The following SLC34A1 variants were observed in gnomAD, a reference collection of about 807,000 sequenced individuals.
SLC34A1 encodes the protein solute carrier family 34 member 1.
A neutral mutation model predicts 51.4 loss-of-function variants in SLC34A1; 57 were observed. The ratio of observed to expected loss-of-function variants is 1.11; its 90% CI spans 0.90 to 1.38. SLC34A1 has a LOEUF of 1.38. Among genes scored for constraint, SLC34A1 ranks in the 40% most tolerant of loss-of-function variants. SLC34A1 has a pLI of 0.00. For synonymous variants in SLC34A1, 368 were observed against 358.0 expected, an observed-to-expected ratio of 1.03 and a Z score of -0.32; for missense variants, 796 against 835.6, an observed-to-expected ratio of 0.95 and a Z score of 0.58.
chr5:177,390,664 T>C (rs1481402682), intron 8 of SLC34A1, among the ~76,000 whole-genome samples: 1 of 151,836 alleles, frequency 6.6e-6, no homozygotes, highest in African/African-American at 2.4e-5. Context: ...GGAGAAGTTC[T>C]CCTTTTCGCC....
At chr5:177,385,924 G>A (rs941611683) in intron 2 of SLC34A1, 63 bp from the exon 3 acceptor site, 33 of 1,609,708 alleles carry the variant, frequency 2.1e-5, no homozygotes, top group African/African-American at 6.7e-5. Context: ...CACTTCCCCC[G>A]CCTGTTCCTC....
At chr5:177,394,824 G>A (rs1299096710) in intron 10 of SLC34A1, among the ~76,000 whole-genome samples, 1 of 150,984 alleles carries the variant, frequency 6.6e-6, no homozygotes, top group Non-Finnish European at 1.5e-5. Context: ...CTCTCGAGTA[G>A]CTAGGATTAC....
Position 177,385,699 on chromosome 5 carries a change from G to A in SLC34A1, c.-43G>A, listed in dbSNP as rs1460427834. On this transcript the variant is annotated 5_prime_UTR_variant, in exon 2 of 13. Transcript: ENST00000324417. ...GACACAGCTATTGTCATTCAGCGTT[G>A]CTGAGACCCACTGACCTGCAGACCT... is the stretch of plus-strand genomic sequence containing the variant. 19 of 1,419,260 alleles carry A rather than the reference G, an allele frequency of 1.3e-5. No homozygotes were observed. Among genetic ancestry groups the A allele is most frequent in the Non-Finnish European group, 1.9e-5 (19 of 1,010,420 alleles). The allele number at this position is 1,419,260 out of a possible 1,614,324, so 87.9% of individuals were successfully genotyped here. A position where few individuals can be genotyped will look rare whatever the true frequency, so the allele number is the denominator to read the frequency against.
rs776978243 is a variant in SLC34A1 at position 177,397,852 on chromosome 5, C to T, written c.1486C>T (p.Leu496=). 2 of 1,613,744 alleles carry T rather than the reference C, an allele frequency of 1.2e-6. No homozygotes were observed. Among genetic ancestry groups the T allele is most frequent in the Non-Finnish European group, 1.7e-6 (2 of 1,179,998 alleles). The change falls in exon 13 of 13, where the codon CTG becomes TTG. Residue 496 remains leucine (L), a synonymous_variant. Coordinates refer to ENST00000324417, the MANE Select transcript of SLC34A1 (RefSeq NM_003052.5). ...GTGGTACCCGGTGCCCTGCACACGC[C>T]TGCCCATCCGCATGGCCAAGGCGCT... is the stretch of plus-strand genomic sequence containing the variant. ...LLWYPVPCTR[L]PIRMAKALGK...
intron 8 of SLC34A1, among the ~76,000 whole-genome samples, chr5:177,393,451 G>A (rs1649718903): frequency 6.6e-6 from 1 of 152,164 alleles, no homozygotes; most frequent in African/African-American, 2.4e-5. Context: ...TGTGGCCCCA[G>A]GGAGAGCTGG....
intron 1 of SLC34A1, 39 bp from the exon 2 acceptor site, chr5:177,385,656 G>A (rs1341965440): frequency 2.1e-6 from 2 of 948,418 alleles, no homozygotes; most frequent in Non-Finnish European, 3.4e-6. Context: ...GTGAGGGTGT[G>A]TGGGCATGAG....
intron 1 of SLC34A1, 77 bp from the exon 2 acceptor site, chr5:177,385,618 G>T: frequency 1.3e-6 from 1 of 742,426 alleles, no homozygotes; most frequent in South Asian, 1.5e-5. Flanking sequence ...TGTGTATTTG[G>T]AATCATGCGC....
chr5:177,393,696 T>C lies in SLC34A1; in HGVS notation c.939T>C (p.Ala313=). 6.2e-7 allele frequency: 1 copy of C among 1,614,088 alleles called. No individual in the cohort carries two copies. The highest frequency in any genetic ancestry group is 1.6e-4 in the Middle Eastern group (1 of 6,062). The change falls in exon 9 of 13, where the codon GCT becomes GCC. Residue 313 remains alanine (A), a splice_region_variant and synonymous_variant. Coordinates refer to ENST00000324417, the MANE Select transcript of SLC34A1 (RefSeq NM_003052.5). ...QIWCHPDSLQ[A]PTSMSRAEAN... is the part of the protein sequence containing the mutation. The stretch of plus-strand genomic sequence containing the variant: ...AAGTCACCCTCCTCCTGATCTAGGC[T>C]CCCACCTCCATGTCCAGAGCAGAGG...
chr5:177,397,241 G>A (rs924833540), intron 12 of SLC34A1, 167 bp downstream of exon 12: 57 of 759,068 alleles, frequency 7.5e-5, no homozygotes, highest in Non-Finnish European at 4.0e-5. Flanking sequence ...TACCACCCTC[G>A]AGACCTTAGC....
At chr5:177,387,336 A>T (rs1349319881) in intron 5 of SLC34A1, among the ~76,000 whole-genome samples, 1 of 152,156 alleles carries the variant, frequency 6.6e-6, no homozygotes, top group African/African-American at 2.4e-5. Flanking sequence ...CAGAGCTTGC[A>T]GTGAGCCGAG....
rs566793947 is a variant in SLC34A1, at chr5:177,390,255, G to A, written c.936+1883G>A. 46 of 990,644 alleles carry A rather than the reference G, an allele frequency of 4.6e-5. No homozygotes were observed. The Middle Eastern group carries it at 2.6e-3, about 56-fold the overall frequency. The allele number at this position is 990,644 out of a possible 1,614,324, so 61.4% of individuals were successfully genotyped here. ...ACCAGATGGGGAAAGCAGCAGCAGC[G>A]GCAGTTGAGTGATCAGACACTTGAG... is the stretch of plus-strand genomic sequence containing the variant. On this transcript the variant is annotated intron_variant, in intron 8 of 12. Transcript: ENST00000324417.
Position 177,397,926 on chromosome 5 carries a change from T to C in SLC34A1, c.1560T>C (p.Leu520=). The change falls in exon 13 of 13, where the codon CTT becomes CTC. Residue 520 remains leucine, a synonymous_variant. Transcript: ENST00000324417. ...GCTGGTTTGCCGTCCTCTATCTCCT[T>C]GTCTGCTTCCTGCTGCTGCCCTCAC... The part of the protein sequence containing the change: ...KYRWFAVLYL[L]VCFLLLPSLV... The C allele has an allele frequency of 6.2e-7, 1 of 1,614,058 alleles. No homozygotes were observed. The highest frequency in any genetic ancestry group is 8.5e-7 in the Non-Finnish European group (1 of 1,180,010).
chr5:177,387,228 A>G (rs1762614330), intron 5 of SLC34A1, among the ~76,000 whole-genome samples: 1 of 151,392 alleles, frequency 6.6e-6, no homozygotes, highest in South Asian at 2.1e-4. Flanking sequence ...AAAAAAAAAC[A>G]ACAAAAACCA....
In SLC34A1 at chr5:177,385,974, G is replaced by A. The variant is rs2127346151; in HGVS notation, c.110-13G>A. ...TTGGGGCCCTGGGGCTCCTGACCAG[G>A]CTCCCTCCCTAGTCCTACACAGGAT... On this transcript the variant is annotated splice_polypyrimidine_tract_variant and intron_variant, in intron 2 of 12. Coordinates refer to ENST00000324417, the MANE Select transcript of SLC34A1 (RefSeq NM_003052.5). 6.2e-7 allele frequency: 1 copy of A among 1,610,694 alleles called. No individual in the cohort carries two copies. The highest frequency in any genetic ancestry group is 2.2e-5 in the East Asian group (1 of 44,854).
chr5:177,391,709 C>T lies in SLC34A1; in HGVS notation c.937-1985C>T, dbSNP rs544703512. Among the ~76,000 whole-genome samples the T allele has an allele frequency of 1.0e-3, 152 of 152,300 alleles. 3 individuals are homozygous for T. In the Middle Eastern group the frequency reaches 0.024, roughly 24 times the overall value. The stretch of plus-strand genomic sequence containing the variant: ...ACCATGTGATCCTGAACGGGCCCAG[C>T]GAGGGAGAGGGTCACTCCATATCAG... On this transcript the variant is annotated intron_variant, in intron 8 of 12. Transcript: ENST00000324417.
intron 8 of SLC34A1, chr5:177,389,818 T>C: frequency 1.3e-6 from 2 of 1,520,546 alleles, no homozygotes; most frequent in South Asian, 1.2e-5. Context: ...AGGTTCACTC[T>C]GGGGAGGCCG....
Position 177,396,667 on chromosome 5 carries a change from G to T in SLC34A1, c.1175-66G>T, listed in dbSNP as rs982504722. 1.4e-6 allele frequency: 2 copies of T among 1,393,874 alleles called. No homozygotes were observed. Among genetic ancestry groups the T allele is most frequent in the East Asian group, 4.6e-5 (2 of 43,816 alleles). 86.3% of individuals were successfully genotyped at this position (1,393,874 alleles called of 1,614,324 possible). On this transcript the variant is annotated intron_variant, in intron 10 of 12. Coordinates refer to ENST00000324417, the MANE Select transcript of SLC34A1 (RefSeq NM_003052.5). This position sits in a 1 kb window ranked among gnomAD's most constrained non-coding sequence, Gnocchi z 4.0. ...GGAGGTCCGCTCTCCCAGTGCCCCCGCGGAGGTCTGCTCTCCCAATGTCCC... is the reference window on the plus strand; with the variant it reads ...GGAGGTCCGCTCTCCCAGTGCCCCCTCGGAGGTCTGCTCTCCCAATGTCCC...
At position 177,386,069 on chromosome 5, in the gene SLC34A1, T is replaced by C; in HGVS notation, c.192T>C (p.Cys64=). ...CCCTTGCTGAGCACACCTGCCCCTG[T>C]GGGGAGGTCCTGGAGCGCCATGAAC... ...PVALAEHTCP[C]GEVLERHEPL... Residue 64 remains cysteine (C), a synonymous_variant, in exon 3 of 13, where the codon TGT becomes TGC. Transcript: ENST00000324417. The surrounding 1 kb of genome is among the most constrained non-coding windows in gnomAD (Gnocchi z 4.8). 2 of 1,611,772 alleles carry C rather than the reference T, an allele frequency of 1.2e-6. No individual in the cohort carries two copies. The highest frequency in any genetic ancestry group is 1.7e-6 in the Non-Finnish European group (2 of 1,178,696).
intron 5 of SLC34A1, among the ~76,000 whole-genome samples, chr5:177,387,309 G>A (rs1420422784): frequency 4.6e-5 from 7 of 152,066 alleles, no homozygotes; most frequent in African/African-American, 1.4e-4. Context: ...GCAGGAGAAT[G>A]GCATGAACCC....
Sources: gnomAD v4.1 joint callset for allele counts (sites outside exome capture counted in the v4.1 genomes callset) on GRCh38, gnomAD v4.1.1 for gene constraint, Gnocchi (gnomAD v3.1) non-coding constraint, MANE v1.5 for transcripts, NCBI Gene and HGNC (gene_info 2026-07-23, HGNC 2026-07-21) for gene names.